The following RGL1 variants were observed in gnomAD, a reference collection of about 807,000 sequenced individuals.
RGL1 encodes ral guanine nucleotide dissociation stimulator-like 1.
A neutral mutation model predicts 95.2 loss-of-function variants in RGL1; 24 were observed. That is an observed-to-expected ratio of 0.25 (90% confidence interval 0.18 to 0.35). RGL1 has a LOEUF of 0.35. Among genes scored for constraint, RGL1 ranks in the 10% least tolerant of loss-of-function variants. The pLI is 1.00. For missense variants in RGL1, 715 were observed against 936.3 expected (o/e 0.76, Z 3.08); for synonymous variants, 329 against 344.9 (o/e 0.95, Z 0.51).
intron 2 of RGL1, among the ~76,000 whole-genome samples, chr1:183,815,944 A>G (rs1226850919): frequency 3.3e-5 from 5 of 152,146 alleles, no homozygotes; most frequent in African/African-American, 1.2e-4. Context: ...TTGGTGTTAT[A>G]TGTAACCCCA....
chr1:183,816,138 C>T (rs1046815042), intron 2 of RGL1, among the ~76,000 whole-genome samples: 6 of 152,132 alleles, frequency 3.9e-5, no homozygotes, highest in African/African-American at 1.4e-4. Context: ...CATTATTCCT[C>T]GGGCTCCAAC....
intron 2 of RGL1, among the ~76,000 whole-genome samples, chr1:183,756,852 C>T (rs965752039): frequency 6.6e-6 from 1 of 152,010 alleles, no homozygotes; most frequent in Non-Finnish European, 1.5e-5. Context: ...TACTACTAGA[C>T]ACAGGTTGAA....
chr1:183,880,838 C>T (rs1275998613), intron 5 of RGL1, 38 bp downstream of exon 5: 1 of 1,590,822 alleles, frequency 6.3e-7, no homozygotes, highest in Non-Finnish European at 8.6e-7. Flanking sequence ...AGGCTAGATT[C>T]TGATTCTCCA....
intron 2 of RGL1, among the ~76,000 whole-genome samples, chr1:183,816,084 C>G (rs1662067351): frequency 6.6e-6 from 1 of 152,182 alleles, no homozygotes; most frequent in Admixed American, 6.5e-5. Context: ...GAAATAACAT[C>G]TATTGTATTT....
intron 1 of RGL1, among the ~76,000 whole-genome samples, chr1:183,741,697 G>T (rs1657316160): frequency 6.6e-6 from 1 of 152,184 alleles, no homozygotes; most frequent in South Asian, 2.1e-4. Flanking sequence ...ATACACAAGT[G>T]CATAATAGAT....
chr1:183,764,763 C>G (rs1658879868), intron 2 of RGL1, among the ~76,000 whole-genome samples: 1 of 152,118 alleles, frequency 6.6e-6, no homozygotes, highest in Non-Finnish European at 1.5e-5. Flanking sequence ...TAATTTAATA[C>G]CATAGTTTTC....
intron 3 of RGL1, among the ~76,000 whole-genome samples, chr1:183,851,328 C>T (rs1664813686): frequency 1.3e-5 from 2 of 152,170 alleles, no homozygotes; most frequent in African/African-American, 4.8e-5. Flanking sequence ...GCAGATGGAA[C>T]TCAGGAATAT....
chr1:183,841,426 C>T (rs1664049386), intron 2 of RGL1, among the ~76,000 whole-genome samples: 1 of 152,188 alleles, frequency 6.6e-6, no homozygotes, highest in South Asian at 2.1e-4. Context: ...AGTGACTTCC[C>T]ACCCAATATT....
At chr1:183,872,437 A>C (rs1666236778) in intron 4 of RGL1, among the ~76,000 whole-genome samples, 1 of 152,172 alleles carries the variant, frequency 6.6e-6, no homozygotes, top group African/African-American at 2.4e-5. Flanking sequence ...CTTTAATTGA[A>C]TCTCATCAGT....
intron 2 of RGL1, among the ~76,000 whole-genome samples, chr1:183,828,025 A>G (rs1662993572): frequency 6.6e-6 from 1 of 152,244 alleles, no homozygotes; most frequent in Admixed American, 6.5e-5. Flanking sequence ...CACCAAATAA[A>G]TAGCTAGTGA....
intron 5 of RGL1, 49 bp downstream of exon 5, chr1:183,880,849 G>A (rs1666786817): frequency 1.9e-6 from 3 of 1,564,418 alleles, no homozygotes; most frequent in Admixed American, 1.8e-5. Flanking sequence ...TGATTCTCCA[G>A]CCTCCACGCT....
In RGL1 at chr1:183,648,237, G is replaced by A. The variant is rs756203206; in HGVS notation, c.-33+11736G>A. On this transcript the variant is annotated intron_variant, in intron 1 of 18. Coordinates refer to the RGL1 transcript ENST00000304685. ...ACTTATTGGACTCAAAACAACCCGC[G>A]GCCATAAGCTGGCCAGGCTCCGGAG... The A allele has an allele frequency of 2.0e-5, 33 of 1,614,012 alleles. No individual in the cohort carries two copies. Among genetic ancestry groups the A allele is most frequent in the Non-Finnish European group, 2.5e-5 (30 of 1,180,036 alleles).
At chr1:183,822,301 C>A (rs1434333520) in intron 2 of RGL1, among the ~76,000 whole-genome samples, 2 of 151,974 alleles carry the variant, frequency 1.3e-5, no homozygotes, top group African/African-American at 4.8e-5. Context: ...AAAATTATAC[C>A]TTAGACATGT....
At chr1:183,709,893 G>C (rs1395718840) in intron 1 of RGL1, 2 of 153,898 alleles carry the variant, frequency 1.3e-5, no homozygotes, top group African/African-American at 4.8e-5. Flanking sequence ...GCTCAGGCTT[G>C]CCCTCTGGCA....
chr1:183,733,610 A>G (rs1032104016), intron 1 of RGL1, among the ~76,000 whole-genome samples: 1 of 152,164 alleles, frequency 6.6e-6, no homozygotes, highest in Non-Finnish European at 1.5e-5. Flanking sequence ...CCTTAGCACC[A>G]CTTACAAGGA....
chr1:183,770,229 G>A (rs1019114371), intron 2 of RGL1, among the ~76,000 whole-genome samples: 5 of 152,260 alleles, frequency 3.3e-5, no homozygotes, highest in South Asian at 2.1e-4. Flanking sequence ...TGTTACCCAC[G>A]AAAGACATCA....
rs567826697 is a variant in RGL1, at chr1:183,781,652, T to A, written c.133-24723T>A. ...GTATATATGTACCCATCTCTACATA[T>A]ATGTGTGTGTTTTAACATATAAGGT... is the stretch of plus-strand genomic sequence containing the variant. On this transcript the variant is annotated intron_variant, in intron 2 of 18. Transcript: ENST00000304685. 7.2e-5 allele frequency among the ~76,000 whole-genome samples: 11 copies of A among 152,360 alleles called. No individual in the cohort carries two copies. The East Asian group carries it at 2.1e-3, about 29-fold the overall frequency.
chr1:183,905,113 A>T, intron 13 of RGL1, 142 bp downstream of exon 13: 2 of 1,001,018 alleles, frequency 2.0e-6, no homozygotes, highest in Non-Finnish European at 2.8e-6. Context: ...TCAAAGGCGC[A>T]TGGTGTGGCA....
intron 1 of RGL1, among the ~76,000 whole-genome samples, chr1:183,675,177 G>A (rs938185007): frequency 6.6e-6 from 1 of 152,110 alleles, no homozygotes; most frequent in Non-Finnish European, 1.5e-5. Flanking sequence ...CGGGAATCTT[G>A]CACTCTGGAT....
Sources: allele counts gnomAD v4.1 joint callset (sites outside exome capture counted in the v4.1 genomes callset), GRCh38; gene constraint gnomAD v4.1.1; transcripts MANE v1.5; gene names NCBI Gene and HGNC (gene_info 2026-07-23, HGNC 2026-07-21).